EVI5: variants seen among roughly 807,000 people sequenced by gnomAD.
The protein encoded by EVI5 is ecotropic viral integration site 5.
A neutral mutation model predicts 112.0 loss-of-function variants in EVI5; 73 were observed. That is an observed-to-expected ratio of 0.65 (90% CI 0.54 to 0.79). EVI5 has a LOEUF of 0.79. Among genes scored for constraint, EVI5 ranks in the 30% least tolerant of loss-of-function variants. EVI5 has a pLI of 0.00. For missense variants in EVI5, 900 were observed against 968.8 expected, an observed-to-expected ratio of 0.93 and a Z score of 0.94; for synonymous variants, 305 against 319.9, an observed-to-expected ratio of 0.95 and a Z score of 0.50.
intron 17 of EVI5, among the ~76,000 whole-genome samples, chr1:92,606,637 C>T (rs1650456438): frequency 6.6e-6 from 1 of 152,134 alleles, no homozygotes. Flanking sequence ...ATTTCAGTGA[C>T]ACTGATAAAC....
In EVI5 at chr1:92,573,353, C is replaced by A. The variant is rs1193563894; in HGVS notation, c.2071-9616G>T. ...GGTTTGAATAACCTTTGAAAATTAA[C>A]TATTTTTTAAAACATAAATTCAAAA... On this transcript the variant is annotated intron_variant, in intron 18 of 19. Transcript: ENST00000684568. Among the ~76,000 whole-genome samples the A allele has an allele frequency of 3.3e-5, 5 of 152,148 alleles. No homozygotes were observed. In the East Asian group the frequency reaches 9.6e-4, roughly 29 times the overall value.
At chr1:92,608,719 A>G (rs1651043274) in intron 16 of EVI5, among the ~76,000 whole-genome samples, 1 of 3,086 alleles carries the variant, frequency 3.2e-4, no homozygotes, top group Non-Finnish European at 8.0e-4. Flanking sequence ...AAAAAAGGAA[A>G]GGAAAAAAAA....
chr1:92,513,798 C>T lies in EVI5; in HGVS notation c.2339G>A (p.Gly780Asp), dbSNP rs1367411605. 1.6e-5 allele frequency: 26 copies of T among 1,613,076 alleles called. No individual in the cohort carries two copies. Among genetic ancestry groups the T allele is most frequent in the Non-Finnish European group, 2.2e-5 (26 of 1,179,810 alleles). The change falls in exon 20 of 20, where the codon GGT (glycine) becomes GAT (aspartate). Residue 780 changes from glycine (G) to aspartate (D), a missense_variant. Transcript: ENST00000684568. ...GVGFPLHGKS[G>D]SMSLDPAVAD... ...CACTGCGGGGTCCAAAGACATCGAACCAGATTTTCCGTGCAAAGGAAAACC... is the reference window on the plus strand; with the variant it reads ...CACTGCGGGGTCCAAAGACATCGAATCAGATTTTCCGTGCAAAGGAAAACC...
At chr1:92,589,267 T>G (rs896382021) in intron 18 of EVI5, among the ~76,000 whole-genome samples, 1 of 151,890 alleles carries the variant, frequency 6.6e-6, no homozygotes, top group Non-Finnish European at 1.5e-5. Context: ...AGACAAGGGG[T>G]GCAGGACACT....
intron 16 of EVI5, among the ~76,000 whole-genome samples, chr1:92,622,677 T>C (rs138603443): frequency 6.2e-4 from 94 of 152,342 alleles, no homozygotes; most frequent in African/African-American, 2.3e-3. Context: ...CATTTATCAA[T>C]GTAAAAATTT....
At chr1:92,691,729 C>T (rs995491870) in intron 9 of EVI5, among the ~76,000 whole-genome samples, 5 of 151,614 alleles carry the variant, frequency 3.3e-5, no homozygotes, top group African/African-American at 4.9e-5. Flanking sequence ...AGTAACATCA[C>T]GTATTCTGAA....
At chr1:92,685,867 T>G (rs567562057) in intron 9 of EVI5, among the ~76,000 whole-genome samples, 1 of 152,264 alleles carries the variant, frequency 6.6e-6, no homozygotes, top group South Asian at 2.1e-4. Context: ...AATCCCTGAA[T>G]AGACCAATTA....
intron 2 of EVI5, among the ~76,000 whole-genome samples, chr1:92,733,841 C>T (rs995512061): frequency 4.6e-5 from 7 of 152,136 alleles, no homozygotes; most frequent in African/African-American, 1.2e-4. Context: ...AACAAAGGTG[C>T]GTTTCCTGTT....
At chr1:92,634,298 C>T (rs1355012057) in intron 14 of EVI5, among the ~76,000 whole-genome samples, 2 of 152,172 alleles carry the variant, frequency 1.3e-5, no homozygotes, top group Admixed American at 6.5e-5. Flanking sequence ...CCATTCTCCC[C>T]GTCACTTTCA....
chr1:92,660,321 CACAGAAAG>C (rs1389713042), intron 13 of EVI5, among the ~76,000 whole-genome samples: 1 of 151,898 alleles, frequency 6.6e-6, no homozygotes, highest in African/African-American at 2.4e-5. Flanking sequence ...ATAAGCCAGA[CACAGAAAG>C]ACAAATACCA....
At chr1:92,587,402 A>C (rs1374386517) in intron 18 of EVI5, among the ~76,000 whole-genome samples, 1 of 151,970 alleles carries the variant, frequency 6.6e-6, no homozygotes, top group Non-Finnish European at 1.5e-5. Context: ...AAAAAAAAAA[A>C]AAAACTATTA....
intron 19 of EVI5, among the ~76,000 whole-genome samples, chr1:92,551,317 T>C (rs369654493): frequency 8.5e-5 from 13 of 152,112 alleles, no homozygotes; most frequent in African/African-American, 2.2e-4. Context: ...CGTGAGCCAC[T>C]GTGCTCGGCA....
intron 5 of EVI5, among the ~76,000 whole-genome samples, chr1:92,701,888 C>T (rs1490827806): frequency 2.2e-5 from 3 of 138,092 alleles, no homozygotes; most frequent in Non-Finnish European, 4.6e-5. Context: ...ACTGTAGATT[C>T]AAGCTTTAGT....
chr1:92,594,861 A>T (rs1647283678), intron 18 of EVI5, among the ~76,000 whole-genome samples: 1 of 152,006 alleles, frequency 6.6e-6, no homozygotes, highest in East Asian at 1.9e-4. Context: ...TCAAAACCAC[A>T]ATGAGATACC....
At chr1:92,689,112 C>T (rs1336213345) in intron 9 of EVI5, among the ~76,000 whole-genome samples, 3 of 152,052 alleles carry the variant, frequency 2.0e-5, no homozygotes, top group Non-Finnish European at 2.9e-5. Flanking sequence ...TATTAACAAT[C>T]AAGGAAATGT....
rs1022618457 is a variant in EVI5, at chr1:92,697,163, A to T, written c.765+697T>A. On this transcript the variant is annotated intron_variant, in intron 6 of 19. Transcript: ENST00000684568. ...TGCCAGGAGAGAGGAAACTAATAAA[A>T]ATGGCTCTCATGCCAGCTGATTCAT... Among the ~76,000 whole-genome samples the T allele has an allele frequency of 3.9e-5, 6 of 152,258 alleles. No homozygotes were observed. The South Asian group carries it at 1.2e-3, about 32-fold the overall frequency.
intron 18 of EVI5, among the ~76,000 whole-genome samples, chr1:92,564,943 G>T (rs150986927): frequency 6.6e-6 from 1 of 152,186 alleles, no homozygotes; most frequent in Non-Finnish European, 1.5e-5. Context: ...GCCTCCCAAA[G>T]TGCTGAGATT....
intron 16 of EVI5, among the ~76,000 whole-genome samples, chr1:92,619,516 G>A (rs1654038422): frequency 6.6e-6 from 1 of 151,818 alleles, no homozygotes; most frequent in South Asian, 2.1e-4. Context: ...ACATCTGACA[G>A]AGAATTTAAA....
chr1:92,701,533 C>G (rs1171140077), intron 5 of EVI5, among the ~76,000 whole-genome samples: 1 of 152,104 alleles, frequency 6.6e-6, no homozygotes, highest in Non-Finnish European at 1.5e-5. Context: ...GTAAGATGGA[C>G]TTAACATTTC....
Sources: allele counts gnomAD v4.1 joint callset (sites outside exome capture counted in the v4.1 genomes callset), GRCh38; gene constraint gnomAD v4.1.1; transcripts MANE v1.5; gene names NCBI Gene and HGNC (gene_info 2026-07-23, HGNC 2026-07-21).